KLRF1: variants seen among roughly 807,000 people sequenced by gnomAD.
The protein encoded by KLRF1 is killer cell lectin-like receptor subfamily F member 1.
Under a neutral mutation model 30.7 loss-of-function variants are expected in KLRF1, and 27 were observed. The ratio of observed to expected loss-of-function variants is 0.88; its 90% CI spans 0.65 to 1.21. The LOEUF is 1.21. KLRF1 is among the 50% of genes most tolerant of loss of function. The pLI, the probability that KLRF1 is intolerant of heterozygous loss-of-function variation, is 0.00. For synonymous variants in KLRF1, 92 were observed against 89.3 expected, an observed-to-expected ratio of 1.03 and a Z score of -0.17; for missense variants, 246 against 259.3, an observed-to-expected ratio of 0.95 and a Z score of 0.35.
chr12:9,836,301 C>T (rs1156676537), intron 3 of KLRF1, among the ~76,000 whole-genome samples: 1 of 152,060 alleles, frequency 6.6e-6, no homozygotes, highest in Non-Finnish European at 1.5e-5. Flanking sequence ...TATCTTCTGT[C>T]TAGTCATACT....
the KLRF1 span, among the ~76,000 whole-genome samples, chr12:9,808,129 T>TG: frequency 0.045 from 6,816 of 152,192 alleles, 309 homozygotes; most frequent in African/African-American, 0.12. Flanking sequence ...AAAGTAAAAC[T>TG]TGCCTACAGC....
chr12:9,841,990 T>A, intron 4 of KLRF1, 39 bp downstream of exon 4: 2 of 1,562,234 alleles, frequency 1.3e-6, no homozygotes, highest in Non-Finnish European at 1.7e-6. Flanking sequence ...ATCTTTGCAG[T>A]AAAAAATGGC....
At chr12:9,838,643 GCTGA>G (rs1867639559) in intron 3 of KLRF1, among the ~76,000 whole-genome samples, 2 of 152,108 alleles carry the variant, frequency 1.3e-5, no homozygotes, top group Admixed American at 6.6e-5. Context: ...GTCTGTTATA[GCTGA>G]CTTTGTCAAA....
the KLRF1 span, among the ~76,000 whole-genome samples, chr12:9,819,098 C>T: frequency 1.3e-5 from 2 of 152,158 alleles, no homozygotes; most frequent in East Asian, 3.9e-4. Context: ...ACCCTTGGGT[C>T]AGGAGATCCC....
At chr12:9,816,743 T>G in the KLRF1 span, among the ~76,000 whole-genome samples, 1 of 150,358 alleles carries the variant, frequency 6.7e-6, no homozygotes, top group Non-Finnish European at 1.5e-5. Flanking sequence ...CTTTTTTTTT[T>G]TTTTTTTTGA....
At chr12:9,833,973 C>T (rs999927461) in intron 3 of KLRF1, among the ~76,000 whole-genome samples, 38 of 140,862 alleles carry the variant, frequency 2.7e-4, no homozygotes, top group African/African-American at 1.0e-3. Flanking sequence ...GGGCTGAGTC[C>T]GAAAAGAAGA....
At chr12:9,843,311 C>G (rs1867744860) in intron 5 of KLRF1, among the ~76,000 whole-genome samples, 1 of 152,156 alleles carries the variant, frequency 6.6e-6, no homozygotes, top group South Asian at 2.1e-4. Context: ...GTAGGGCAAT[C>G]TTGGGCTTCT....
the KLRF1 span, among the ~76,000 whole-genome samples, chr12:9,808,076 T>C: frequency 6.6e-6 from 1 of 152,106 alleles, no homozygotes. Flanking sequence ...TCTGTTTTGA[T>C]ATGTTGGTTT....
At chr12:9,800,653 G>T in the KLRF1 span, among the ~76,000 whole-genome samples, 1 of 151,804 alleles carries the variant, frequency 6.6e-6, no homozygotes, top group African/African-American at 2.4e-5. Flanking sequence ...TTTTCCATTT[G>T]TATATCTTCT....
chr12:9,833,375 A>T lies in KLRF1; in HGVS notation c.257A>T (p.Asp86Val). The change falls in exon 3 of 6, where the codon GAT becomes GTT. Residue 86 changes from aspartate to valine, a missense_variant. Transcript: ENST00000617889. The part of the protein sequence containing the change: ...SNATQYEDTG[D>V]LKVNNGTRRN... ...GCCACTCAGTATGAGGACACTGGAG[A>T]TCTAAAAGTGAATAATGGCACAAGA... is the stretch of plus-strand genomic sequence containing the variant. 1 of 1,612,134 alleles carries T rather than the reference A, an allele frequency of 6.2e-7. No homozygotes were observed. Among genetic ancestry groups the T allele is most frequent in the Non-Finnish European group, 8.5e-7 (1 of 1,178,998 alleles).
chr12:9,840,400 T>C (rs1867674453), intron 3 of KLRF1, among the ~76,000 whole-genome samples: 1 of 152,110 alleles, frequency 6.6e-6, no homozygotes, highest in South Asian at 2.1e-4. Flanking sequence ...CAGATTGTAA[T>C]GGGCCATAAG....
chr12:9,835,119 T>C (rs1029114114), intron 3 of KLRF1, among the ~76,000 whole-genome samples: 18 of 152,090 alleles, frequency 1.2e-4, no homozygotes, highest in Non-Finnish European at 1.8e-4. Context: ...TTTGTCGTGT[T>C]GGTGTCATGA....
chr12:9,820,175 C>A, the KLRF1 span, among the ~76,000 whole-genome samples: 3 of 152,206 alleles, frequency 2.0e-5, no homozygotes, highest in Non-Finnish European at 2.9e-5. Flanking sequence ...CATGTTGGAA[C>A]CTCCCTGGGA....
chr12:9,809,216 G>A, the KLRF1 span, among the ~76,000 whole-genome samples: 1 of 152,110 alleles, frequency 6.6e-6, no homozygotes, highest in South Asian at 2.1e-4. Flanking sequence ...AGCACTAGGG[G>A]AAATTCAATG....
At chr12:9,828,925 G>C (rs990954303) in intron 1 of KLRF1, among the ~76,000 whole-genome samples, 1 of 152,140 alleles carries the variant, frequency 6.6e-6, no homozygotes, top group African/African-American at 2.4e-5. Context: ...AAAATGTGCA[G>C]ATTTTCGGCT....
chr12:9,824,855 C>T (rs922847278), upstream of KLRF1, among the ~76,000 whole-genome samples: 6 of 152,044 alleles, frequency 3.9e-5, no homozygotes, highest in African/African-American at 1.4e-4. Flanking sequence ...ATCAGGAATG[C>T]AATTCCATTT....
the KLRF1 span, among the ~76,000 whole-genome samples, chr12:9,806,722 C>A: frequency 2.0e-5 from 3 of 152,020 alleles, no homozygotes; most frequent in African/African-American, 7.3e-5. Context: ...GATTCTGTTG[C>A]CCAGACTGGA....
the KLRF1 span, among the ~76,000 whole-genome samples, chr12:9,813,164 A>T: frequency 6.6e-6 from 1 of 151,510 alleles, no homozygotes; most frequent in African/African-American, 2.4e-5. Context: ...ATTTATTATT[A>T]TTATACTTTA....
chr12:9,819,434 T>C, the KLRF1 span, among the ~76,000 whole-genome samples: 1 of 152,174 alleles, frequency 6.6e-6, no homozygotes, highest in Non-Finnish European at 1.5e-5. Context: ...GACATCATTT[T>C]TGCTGTTTTG....
Sources: gnomAD v4.1 joint callset for allele counts (sites outside exome capture counted in the v4.1 genomes callset) on GRCh38, gnomAD v4.1.1 for gene constraint, MANE v1.5 for transcripts, NCBI Gene and HGNC (gene_info 2026-07-23, HGNC 2026-07-21) for gene names.